Variants in ABCC6 observed in about 807,000 individuals in gnomAD.
ABCC6 encodes the protein ATP-binding cassette sub-family C member 6.
In ABCC6, 126 loss-of-function variants were observed where a neutral mutation model predicts 169.5. That is an observed-to-expected ratio of 0.74 (90% CI 0.64 to 0.86). The LOEUF is 0.86. Among genes scored for constraint, ABCC6 ranks in the 40% least tolerant of loss-of-function variants. The pLI is 0.00. For synonymous variants in ABCC6, 752 were observed against 814.7 expected (o/e 0.92, Z 1.31); for missense variants, 1,733 against 1,927.2 (o/e 0.90, Z 1.89).
At position 16,157,661 on chromosome 16, in the gene ABCC6, ACCTTCTCT is replaced by A. The variant is rs1297171898; in HGVS notation, c.3876_3882+1del. 1 of 1,614,048 alleles carries A rather than the reference ACCTTCTCT, an allele frequency of 6.2e-7. No individual in the cohort carries two copies. The highest frequency in any genetic ancestry group is 1.7e-5 in the Admixed American group (1 of 60,004). ...AGAAGACATTGTGAGAGAACCACTC[ACCTTCTCT>A]CCTGCGTGGATCTTGAAGGACACGC... On this transcript the variant is annotated splice_donor_variant and coding_sequence_variant, in exon 27 of 31. Transcript: ENST00000205557. LOFTEE classifies it high-confidence loss of function.
chr16:16,174,763 C>A (rs1024219059), intron 20 of ABCC6, among the ~76,000 whole-genome samples: 12 of 129,146 alleles, frequency 9.3e-5, no homozygotes, highest in African/African-American at 2.9e-4. Context: ...TCTCAAAACC[C>A]CCCCCCGCAA....
intron 26 of ABCC6, 121 bp downstream of exon 26, chr16:16,159,361 G>A: frequency 3.2e-6 from 3 of 930,412 alleles, no homozygotes; most frequent in Non-Finnish European, 5.0e-6. Flanking sequence ...AGTGGTGGGG[G>A]TTGAGTGAGG....
intron 13 of ABCC6, among the ~76,000 whole-genome samples, chr16:16,187,589 G>T (rs2047690123): frequency 6.6e-6 from 1 of 152,198 alleles, no homozygotes; most frequent in African/African-American, 2.4e-5. Flanking sequence ...GGAAGAAAGA[G>T]ACCAGTCGTT....
intron 10 of ABCC6, among the ~76,000 whole-genome samples, chr16:16,196,486 C>T (rs4780598): frequency 0.2 from 30,323 of 152,078 alleles, 3,247 homozygotes; most frequent in Middle Eastern, 0.25. Context: ...GTTGTGTGCC[C>T]GGCACCCTTT....
At chr16:16,202,953 C>A (rs1324305984) in intron 8 of ABCC6, among the ~76,000 whole-genome samples, 1 of 152,138 alleles carries the variant, frequency 6.6e-6, no homozygotes, top group Non-Finnish European at 1.5e-5. Context: ...CCCTCCCAAG[C>A]ACCCACATGA....
intron 4 of ABCC6, among the ~76,000 whole-genome samples, chr16:16,218,925 GT>G (rs1339206141): frequency 9.5e-6 from 1 of 104,942 alleles, no homozygotes; most frequent in East Asian, 2.7e-4. Flanking sequence ...TAAGCCAGGT[GT>G]AGTGGCACAC....
chr16:16,190,007 T>C (rs748469413), intron 12 of ABCC6, among the ~76,000 whole-genome samples, 157 bp downstream of exon 12: 21 of 152,164 alleles, frequency 1.4e-4, no homozygotes, highest in Non-Finnish European at 1.8e-4. Context: ...TTAGTTCTTG[T>C]AGAAGACAGC....
intron 7 of ABCC6, 91 bp downstream of exon 7, chr16:16,208,637 G>T: frequency 6.2e-7 from 1 of 1,605,514 alleles, no homozygotes; most frequent in East Asian, 2.2e-5. Context: ...CTCCCAAAAT[G>T]CCGGGATTAC....
chr16:16,179,669 C>A (rs992315817), intron 17 of ABCC6, among the ~76,000 whole-genome samples: 6 of 152,208 alleles, frequency 3.9e-5, no homozygotes, highest in African/African-American at 1.4e-4. Flanking sequence ...TGACTCACTG[C>A]AACCTCTGCC....
intron 29 of ABCC6, among the ~76,000 whole-genome samples, chr16:16,153,335 A>C (rs1352130582): frequency 6.6e-6 from 1 of 152,230 alleles, no homozygotes; most frequent in Non-Finnish European, 1.5e-5. Flanking sequence ...TGGTCTATCC[A>C]TGTAGTGGAA....
At chr16:16,169,539 CT>C in intron 22 of ABCC6, 106 bp downstream of exon 22, 10 of 1,349,168 alleles carry the variant, frequency 7.4e-6, no homozygotes, top group Non-Finnish European at 1.0e-5. Context: ...GTTTTGCACA[CT>C]GTTCCAGGGG....
At position 16,202,012 on chromosome 16, in the gene ABCC6, C is replaced by G; in HGVS notation, c.1165G>C (p.Val389Leu). Residue 389 changes from valine to leucine, a missense_variant, in exon 9 of 31, where the codon GTG (valine) becomes CTG (leucine). Transcript: ENST00000205557. The stretch of plus-strand genomic sequence containing the variant: ...CCCCCAGGGCTCACCTTTCTGTACA[C>G]CAGGCCAGTGATGGCCGACCGCAAC... ...MRLRSAITGL[V>L]YRKVLALSSG... is the part of the protein sequence containing the mutation. The G allele has an allele frequency of 1.9e-6, 3 of 1,614,006 alleles. No homozygotes were observed. Among genetic ancestry groups the G allele is most frequent in the Non-Finnish European group, 2.5e-6 (3 of 1,179,884 alleles).
At chr16:16,164,127 G>A (rs186920705) in intron 23 of ABCC6, among the ~76,000 whole-genome samples, 56 of 152,064 alleles carry the variant, frequency 3.7e-4, no homozygotes, top group African/African-American at 9.6e-4. Flanking sequence ...TCTGCCTCCC[G>A]GGCTCAAGCA....
chr16:16,184,818 G>A lies in ABCC6; in HGVS notation c.1943+141C>T, dbSNP rs183903877. The A allele has an allele frequency of 2.2e-4, 192 of 884,666 alleles. 1 individual carries two copies. In the African/African-American group the frequency reaches 2.7e-3, roughly 12 times the overall value. The allele number at this position is 884,666 out of a possible 1,614,324, so 54.8% of individuals were successfully genotyped here. Reference sequence around the variant, plus strand: ...AGAGATGTATCCTGAGAACCTCCCCGGCAGAGCCCCAGCCCAGCCAAACCC... The same window carrying A: ...AGAGATGTATCCTGAGAACCTCCCCAGCAGAGCCCCAGCCCAGCCAAACCC... On this transcript the variant is annotated intron_variant, in intron 15 of 30. Transcript: ENST00000205557.
chr16:16,176,889 C>A (rs2047295319), intron 19 of ABCC6, among the ~76,000 whole-genome samples: 1 of 152,192 alleles, frequency 6.6e-6, no homozygotes, highest in East Asian at 1.9e-4. Context: ...AATGAGCTAA[C>A]CTCTGTGATG....
chr16:16,204,800 T>C (rs1291435197), intron 7 of ABCC6, among the ~76,000 whole-genome samples: 1 of 152,054 alleles, frequency 6.6e-6, no homozygotes, highest in African/African-American at 2.4e-5. Flanking sequence ...TCTGACAACC[T>C]ATAAGGTTAT....
chr16:16,192,978 G>T, intron 10 of ABCC6, 56 bp from the exon 11 acceptor site: 1 of 1,482,490 alleles, frequency 6.7e-7, no homozygotes, highest in Non-Finnish European at 9.4e-7. Context: ...GCTCTCAGAG[G>T]CACGTGAACC....
At chr16:16,159,074 T>A (rs2046633584) in intron 26 of ABCC6, among the ~76,000 whole-genome samples, 1 of 152,250 alleles carries the variant, frequency 6.6e-6, no homozygotes, top group Non-Finnish European at 1.5e-5. Flanking sequence ...GCTATTCTGG[T>A]ACTGCAATAT....
At chr16:16,192,756 C>T (rs1019356477) in intron 11 of ABCC6, 74 bp downstream of exon 11, 7 of 1,403,534 alleles carry the variant, frequency 5.0e-6, no homozygotes, top group Admixed American at 1.9e-5. Context: ...CTCTCCCCTC[C>T]GCATCTCCCA....
Sources: allele counts gnomAD v4.1 joint callset (sites outside exome capture counted in the v4.1 genomes callset), GRCh38; gene constraint gnomAD v4.1.1; transcripts MANE v1.5; gene names NCBI Gene and HGNC (gene_info 2026-07-23, HGNC 2026-07-21).